Variants in AGBL1 observed in about 807,000 individuals in gnomAD.
AGBL1 encodes the protein AGBL carboxypeptidase 1, also known as cytosolic carboxypeptidase 4.
In AGBL1, 130 loss-of-function variants were observed where a neutral mutation model predicts 118.9. The ratio of observed to expected loss-of-function variants is 1.09; its 90% confidence interval spans 0.95 to 1.26. AGBL1 has a LOEUF of 1.26. AGBL1 is among the 50% of genes most tolerant of loss of function. AGBL1 has a pLI of 0.00. For synonymous variants in AGBL1, 555 were observed against 478.9 expected, an observed-to-expected ratio of 1.16 and a Z score of -2.08; for missense variants, 1,584 against 1,298.1, an observed-to-expected ratio of 1.22 and a Z score of -3.38.
intron 22 of AGBL1, among the ~76,000 whole-genome samples, chr15:86,692,041 G>A (rs973520015): frequency 1.3e-5 from 2 of 151,836 alleles, no homozygotes; most frequent in Non-Finnish European, 2.9e-5. Flanking sequence ...TCTTAAGCTC[G>A]ACAACACTGC....
In AGBL1 at chr15:86,473,554, TG is replaced by T. The variant is rs145718808; in HGVS notation, c.2556-49255del. ...TGTAGTGTGTATATTTTTTTCTATT[TG>T]TTTTTTTTAAAAAAGGTCATGTGTA... On this transcript the variant is annotated intron_variant, in intron 18 of 22. Transcript: ENST00000614907. Among the ~76,000 whole-genome samples, 1,360 of 152,250 alleles carry T rather than the reference TG, an allele frequency of 8.9e-3. 37 individuals carry two copies. Among genetic ancestry groups the T allele is most frequent in the African/African-American group, 0.031 (1,282 of 41,500 alleles).
At chr15:86,451,463 C>A (rs1416782895) in intron 18 of AGBL1, among the ~76,000 whole-genome samples, 1 of 152,282 alleles carries the variant, frequency 6.6e-6, no homozygotes, top group African/African-American at 2.4e-5. Flanking sequence ...CAGAAAACAG[C>A]CTTTCTTAGG....
chr15:86,437,629 GC>G (rs1162983917), intron 18 of AGBL1, among the ~76,000 whole-genome samples: 5 of 152,172 alleles, frequency 3.3e-5, no homozygotes, highest in African/African-American at 9.7e-5. Flanking sequence ...TGACTAAAGT[GC>G]TAGGCCTCTT....
At chr15:86,679,306 C>G (rs184264737) in intron 22 of AGBL1, among the ~76,000 whole-genome samples, 46 of 152,150 alleles carry the variant, frequency 3.0e-4, no homozygotes, top group Admixed American at 1.5e-3. Context: ...AATATATCAT[C>G]ATAAACTTTT....
At chr15:86,139,922 T>G (rs2076939094) in intron 1 of AGBL1, 1 of 157,342 alleles carries the variant, frequency 6.4e-6, no homozygotes, top group African/African-American at 2.4e-5. Context: ...AACTTGTTCT[T>G]GGAGTCGTGG....
At chr15:86,176,591 A>C (rs2077484708) in intron 5 of AGBL1, among the ~76,000 whole-genome samples, 1 of 152,224 alleles carries the variant, frequency 6.6e-6, no homozygotes, top group Non-Finnish European at 1.5e-5. Context: ...GGGTCCAGCC[A>C]GCCTACTTGG....
At chr15:86,424,943 G>A (rs2081846388) in intron 18 of AGBL1, among the ~76,000 whole-genome samples, 1 of 152,196 alleles carries the variant, frequency 6.6e-6, no homozygotes, top group Non-Finnish European at 1.5e-5. Flanking sequence ...CTGTTGGTGG[G>A]AGTGTAAATT....
intron 22 of AGBL1, among the ~76,000 whole-genome samples, chr15:86,700,790 G>GTT (rs2086344460): frequency 6.6e-6 from 1 of 152,036 alleles, no homozygotes; most frequent in Non-Finnish European, 1.5e-5. Context: ...ATGAGATCTA[G>GTT]TTTATTACCA....
chr15:86,755,536 C>T (rs1453837329), intron 22 of AGBL1, among the ~76,000 whole-genome samples: 2 of 152,060 alleles, frequency 1.3e-5, no homozygotes, highest in African/African-American at 2.4e-5. Context: ...TCAGATATAA[C>T]GTACCGTTCA....
chr15:86,228,132 A>C (rs1249037590), intron 6 of AGBL1, among the ~76,000 whole-genome samples: 2 of 152,194 alleles, frequency 1.3e-5, no homozygotes, highest in East Asian at 3.8e-4. Flanking sequence ...AGGGCATAGA[A>C]GTGTTGTGGA....
intron 18 of AGBL1, among the ~76,000 whole-genome samples, chr15:86,413,889 A>G (rs2081654831): frequency 6.6e-6 from 1 of 152,058 alleles, no homozygotes; most frequent in Non-Finnish European, 1.5e-5. Flanking sequence ...TTTCCCATTT[A>G]CAATTCACAG....
At chr15:86,107,077 A>C (rs990492589) in intron 1 of AGBL1, among the ~76,000 whole-genome samples, 5 of 152,220 alleles carry the variant, frequency 3.3e-5, no homozygotes, top group African/African-American at 1.2e-4. Context: ...AAAACAGAAC[A>C]TACTGTGGGA....
intron 24 of AGBL1, among the ~76,000 whole-genome samples, chr15:87,022,745 A>G (rs1391603838): frequency 1.3e-5 from 2 of 152,116 alleles, no homozygotes; most frequent in African/African-American, 4.8e-5. Context: ...AACCTATCAG[A>G]TTAACAGCAG....
At chr15:86,796,226 C>A (rs1387386787) in intron 22 of AGBL1, among the ~76,000 whole-genome samples, 1 of 152,166 alleles carries the variant, frequency 6.6e-6, no homozygotes, top group Admixed American at 6.5e-5. Flanking sequence ...CCACCTCACA[C>A]TGGGAAAAGT....
intron 17 of AGBL1, among the ~76,000 whole-genome samples, chr15:86,397,149 T>A (rs946715647): frequency 3.3e-5 from 5 of 151,678 alleles, no homozygotes; most frequent in Admixed American, 1.3e-4. Context: ...AAGGCTACGG[T>A]TTTTTAGATT....
chr15:86,298,051 G>C (rs1268622694), intron 17 of AGBL1, among the ~76,000 whole-genome samples: 1 of 151,352 alleles, frequency 6.6e-6, no homozygotes, highest in Non-Finnish European at 1.5e-5. Flanking sequence ...TAACCCAATG[G>C]AAGCATTTTC....
At chr15:86,728,896 T>G (rs762317106) in intron 22 of AGBL1, among the ~76,000 whole-genome samples, 4 of 152,198 alleles carry the variant, frequency 2.6e-5, no homozygotes, top group East Asian at 1.9e-4. Context: ...CACTAGGAAA[T>G]GGACTTGTGA....
intron 17 of AGBL1, among the ~76,000 whole-genome samples, chr15:86,394,965 G>C (rs1046174227): frequency 6.6e-6 from 1 of 152,120 alleles, no homozygotes; most frequent in African/African-American, 2.4e-5. Flanking sequence ...CAGGGTCCTG[G>C]TAATAAGAAA....
chr15:86,574,301 C>T (rs184177220), intron 21 of AGBL1, among the ~76,000 whole-genome samples: 4 of 152,294 alleles, frequency 2.6e-5, no homozygotes, highest in East Asian at 1.9e-4. Flanking sequence ...CCATCTGGTC[C>T]CTTCTGCAGC....
Sources: allele counts gnomAD v4.1 joint callset (sites outside exome capture counted in the v4.1 genomes callset), GRCh38; gene constraint gnomAD v4.1.1; transcripts MANE v1.5; gene names NCBI Gene and HGNC (gene_info 2026-07-23, HGNC 2026-07-21).